VCPIP1: variants seen among roughly 807,000 people sequenced by gnomAD.
VCPIP1 encodes deubiquitinating protein VCPIP1.
VCPIP1 carries 8 observed loss-of-function variants against 85.0 expected under a neutral mutation model. The observed-to-expected ratio is 0.09, with a 90% CI of 0.06 to 0.17. The LOEUF (loss-of-function observed/expected upper bound fraction) is 0.17, where lower values mean the gene tolerates loss of function less well. VCPIP1 is among the 10% of genes least tolerant of loss of function. The probability of loss-of-function intolerance (pLI) is 1.00; values close to 1 mark genes in which losing one functional copy is unlikely to be tolerated. For synonymous variants in VCPIP1, 543 were observed against 544.5 expected (o/e 1.00, Z 0.04); for missense variants, 1,070 against 1,486.3 (o/e 0.72, Z 4.61).
At position 66,638,936 on chromosome 8, in the gene VCPIP1, TTCTCTCTCTCTCTC is replaced by T. The variant is rs750894538; in HGVS notation, c.2798-3578_2798-3565del. Among the ~76,000 whole-genome samples, 645 of 131,672 alleles carry T rather than the reference TTCTCTCTCTCTCTC, an allele frequency of 4.9e-3. 4 individuals carry two copies. The highest frequency in any genetic ancestry group is 0.015 in the Middle Eastern group (4 of 272). The allele number at this position is 131,672 out of a possible 152,430, so 86.4% of individuals were successfully genotyped here. On this transcript the variant is annotated intron_variant, in intron 2 of 2. Coordinates refer to ENST00000310421, the MANE Select transcript of VCPIP1 (RefSeq NM_025054.5). ...CTGTACAAAAACCTGCAAGAAAACT[TTCTCTCTCTCTCTC>T]TCTCTCTCTCTCTCTCTCTCTATAT...
chr8:66,634,414 T>C lies in VCPIP1; in HGVS notation c.*87A>G. ...CTTTGAATTATATACGTACAAGATT[T>C]TTAATGACTAATCAAGTTACGTGGC... is the stretch of plus-strand genomic sequence containing the variant. On this transcript the variant is annotated 3_prime_UTR_variant, in exon 3 of 3. Transcript: ENST00000310421. The C allele has an allele frequency of 7.0e-7, 1 of 1,434,130 alleles. No homozygotes were observed. The highest frequency in any genetic ancestry group is 9.4e-7 in the Non-Finnish European group (1 of 1,065,670). 88.8% of individuals were successfully genotyped at this position (1,434,130 alleles called of 1,614,324 possible).
At chr8:66,645,841 G>A (rs989625873) in intron 2 of VCPIP1, among the ~76,000 whole-genome samples, 2 of 151,854 alleles carry the variant, frequency 1.3e-5, no homozygotes, top group Admixed American at 6.6e-5. Context: ...CAAGGTGGGA[G>A]ATCAACTGAG....
rs1352494360 is a variant in VCPIP1, at chr8:66,665,856, T to C, written c.1103A>G (p.Lys368Arg). 13 of 1,614,186 alleles carry C rather than the reference T, an allele frequency of 8.1e-6. No homozygotes were observed. The highest frequency in any genetic ancestry group is 1.1e-5 in the Non-Finnish European group (13 of 1,180,030). Residue 368 changes from lysine (K) to arginine (R), a missense_variant, in exon 1 of 3, where the codon AAA becomes AGA. Coordinates refer to ENST00000310421, the MANE Select transcript of VCPIP1 (RefSeq NM_025054.5). This position sits in a 1 kb window ranked among gnomAD's most constrained non-coding sequence, Gnocchi z 4.3. ...LVGIKGAALP[K>R]LPMNLLPKAW... The stretch of plus-strand genomic sequence containing the variant: ...TTTAGGAAGCAAATTCATAGGCAGT[T>C]TGGGCAAAGCAGCCCCTTTTATGCC...
chr8:66,665,432 G>C lies in VCPIP1; in HGVS notation c.1527C>G (p.Ser509Arg), dbSNP rs1167700270. 1.9e-6 allele frequency: 3 copies of C among 1,614,216 alleles called. No homozygotes were observed. The highest frequency in any genetic ancestry group is 1.6e-4 in the Middle Eastern group (1 of 6,062). The change falls in exon 1 of 3, where the codon AGC becomes AGG. Residue 509 changes from serine (S) to arginine (R), a missense_variant. By Grantham distance (110) the Ser-to-Arg change is moderately radical. Around this residue, in one of 8 missense-constraint regions of VCPIP1, gnomAD observed 123 missense variants for 156.3 expected, o/e 0.79. Transcript: ENST00000310421. The surrounding 1 kb of genome is among the most constrained non-coding windows in gnomAD (Gnocchi z 4.3). ...AGCAAACCAAATTGTTCAAGGGAAA[G>C]CTGTAATTTTTGTCAGTCCTCAGCT... Reference protein sequence around the residue: ...HGQLRTDKNYSFPLNNLVCSY... With the variant: ...HGQLRTDKNYRFPLNNLVCSY...
Position 66,631,986 on chromosome 8 carries a change from C to T in VCPIP1, c.*2515G>A, listed in dbSNP as rs960928492. 1.3e-5 allele frequency: 2 copies of T among 149,672 alleles called. No individual in the cohort carries two copies. The highest frequency in any genetic ancestry group is 3.0e-5 in the Non-Finnish European group (2 of 67,330). 9.3% of individuals were successfully genotyped at this position (149,672 alleles called of 1,614,324 possible). On this transcript the variant is annotated 3_prime_UTR_variant, in exon 3 of 3. Transcript: ENST00000310421. ...AATGGATTACTGAAGAAAAAATTTACAACTTTATTTCAATGTTTAGTGAAG... is the reference window on the plus strand; with the variant it reads ...AATGGATTACTGAAGAAAAAATTTATAACTTTATTTCAATGTTTAGTGAAG...
Position 66,631,643 on chromosome 8 carries a change from A to C in VCPIP1, c.*2858T>G, listed in dbSNP as rs1297864456. 6.5e-6 allele frequency: 1 copy of C among 154,440 alleles called. No individual in the cohort carries two copies. Among genetic ancestry groups the C allele is most frequent in the African/African-American group, 2.4e-5 (1 of 41,526 alleles). 9.6% of individuals were successfully genotyped at this position (154,440 alleles called of 1,614,324 possible). A position where few individuals can be genotyped will look rare whatever the true frequency, so the allele number is the denominator to read the frequency against. The stretch of plus-strand genomic sequence containing the variant: ...TTGCAAGCAGTAGGCTTGACTGTAA[A>C]AACCAAACTAAAAATCACTGGAAGA... On this transcript the variant is annotated 3_prime_UTR_variant, in exon 3 of 3. Coordinates refer to ENST00000310421, the MANE Select transcript of VCPIP1 (RefSeq NM_025054.5).
At chr8:66,649,464 G>C (rs1322474243) in intron 2 of VCPIP1, among the ~76,000 whole-genome samples, 1 of 151,884 alleles carries the variant, frequency 6.6e-6, no homozygotes. Context: ...AGCTATAACT[G>C]CACCACAGCA....
chr8:66,649,618 C>T (rs905048262), intron 2 of VCPIP1, among the ~76,000 whole-genome samples: 3 of 152,166 alleles, frequency 2.0e-5, no homozygotes, highest in African/African-American at 7.2e-5. Flanking sequence ...TATAGGATTC[C>T]ATTCACATGG....
rs778364908 is a variant in VCPIP1 at position 66,666,442 on chromosome 8, C to G, written c.517G>C (p.Glu173Gln). The G allele has an allele frequency of 6.2e-7, 1 of 1,614,194 alleles. No homozygotes were observed. Among genetic ancestry groups the G allele is most frequent in the Admixed American group, 1.7e-5 (1 of 60,030 alleles). The change falls in exon 1 of 3, where the codon GAG becomes CAG. Residue 173 changes from glutamate (E) to glutamine (Q), a missense_variant. Coordinates refer to ENST00000310421, the MANE Select transcript of VCPIP1 (RefSeq NM_025054.5). This position sits in a 1 kb window ranked among gnomAD's most constrained non-coding sequence, Gnocchi z 6.3. ...LGDRAFLIEP[E>Q]HVNTVGYGKD... ...CCATAGCCCACAGTGTTAACATGCT[C>G]TGGTTCTATGAGGAAGGCGCGGTCA...
chr8:66,640,866 C>T (rs1378386613), intron 2 of VCPIP1, among the ~76,000 whole-genome samples: 3 of 152,198 alleles, frequency 2.0e-5, no homozygotes, highest in South Asian at 2.1e-4. Flanking sequence ...TCAATTTGTT[C>T]GTGCAACCTG....
chr8:66,666,371 C>G lies in VCPIP1; in HGVS notation c.588G>C (p.Glu196Asp). ...GSLLYLHDTL[E>D]DIKRANKSQE... ...GGCTTTTATTGGCCCGCTTAATGTC[C>G]TCCAGAGTGTCATGCAAATACAGGA... Residue 196 changes from glutamate (E) to aspartate (D), a missense_variant, in exon 1 of 3, where the codon GAG (glutamate) becomes GAC (aspartate). This residue lies in a region of VCPIP1 where 118 missense variants were observed against 337.1 expected (regional missense o/e 0.35). Coordinates refer to ENST00000310421, the MANE Select transcript of VCPIP1 (RefSeq NM_025054.5). This position sits in a 1 kb window ranked among gnomAD's most constrained non-coding sequence, Gnocchi z 6.3. 6.2e-7 allele frequency: 1 copy of G among 1,614,164 alleles called. No homozygotes were observed. The highest frequency in any genetic ancestry group is 8.5e-7 in the Non-Finnish European group (1 of 1,180,034).
rs1211127657 is a variant in VCPIP1 at position 66,666,410 on chromosome 8, G to A, written c.549C>T (p.Asp183=). ...GCAAATACAGGAGGCTTCCGGAGCG[G>A]TCCTTGCCATAGCCCACAGTGTTAA... ...EHVNTVGYGK[D]RSGSLLYLHD... is the part of the protein sequence containing the mutation. The change falls in exon 1 of 3, where the codon GAC becomes GAT. Residue 183 remains aspartate, a synonymous_variant. Transcript: ENST00000310421. This position sits in a 1 kb window ranked among gnomAD's most constrained non-coding sequence, Gnocchi z 6.3. The A allele has an allele frequency of 1.2e-6, 2 of 1,614,014 alleles. No individual in the cohort carries two copies. Among genetic ancestry groups the A allele is most frequent in the Admixed American group, 1.7e-5 (1 of 59,998 alleles).
In VCPIP1 at chr8:66,665,496, C is replaced by G. The variant is rs777981205; in HGVS notation, c.1463G>C (p.Gly488Ala). Residue 488 changes from glycine (G) to alanine (A), a missense_variant, in exon 1 of 3, where the codon GGA becomes GCA. By Grantham distance (60) the Gly-to-Ala change is moderately conservative (BLOSUM62 0). Coordinates refer to ENST00000310421, the MANE Select transcript of VCPIP1 (RefSeq NM_025054.5). The surrounding 1 kb of genome is among the most constrained non-coding windows in gnomAD (Gnocchi z 4.3). The part of the protein sequence containing the change: ...LHVPPEWLAP[G>A]GKLYNLAKST... ...TTTTGCCAGGTTATACAATTTCCCT[C>G]CAGGAGCCAACCACTCTGGAGGAAC... 5.6e-6 allele frequency: 9 copies of G among 1,614,042 alleles called. No individual in the cohort carries two copies. In the South Asian group the frequency reaches 9.9e-5, roughly 18 times the overall value.
intron 1 of VCPIP1, among the ~76,000 whole-genome samples, chr8:66,659,884 C>G (rs957074705): frequency 6.6e-6 from 1 of 151,772 alleles, no homozygotes; most frequent in Admixed American, 6.6e-5. Flanking sequence ...GGGATCACAC[C>G]ACTGCACTCC....
rs1221044956 is a variant in VCPIP1 at position 66,666,400 on chromosome 8, T to C, written c.559A>G (p.Ser187Gly). ...TVGYGKDRSGSLLYLHDTLED... is the reference protein window; with the variant it reads ...TVGYGKDRSGGLLYLHDTLED... ...AGAGTGTCATGCAAATACAGGAGGCTTCCGGAGCGGTCCTTGCCATAGCCC... is the reference window on the plus strand; with the variant it reads ...AGAGTGTCATGCAAATACAGGAGGCCTCCGGAGCGGTCCTTGCCATAGCCC... The change falls in exon 1 of 3, where the codon AGC becomes GGC. Residue 187 changes from serine (S) to glycine (G), a missense_variant. This residue lies in a region of VCPIP1 where 118 missense variants were observed against 337.1 expected (regional missense o/e 0.35). Transcript: ENST00000310421. This position sits in a 1 kb window ranked among gnomAD's most constrained non-coding sequence, Gnocchi z 6.3. The C allele has an allele frequency of 6.2e-7, 1 of 1,614,000 alleles. No individual in the cohort carries two copies. The highest frequency in any genetic ancestry group is 8.5e-7 in the Non-Finnish European group (1 of 1,180,026).
chr8:66,664,137 A>G (rs549304482), intron 1 of VCPIP1, 112 bp downstream of exon 1: 2 of 1,296,214 alleles, frequency 1.5e-6, no homozygotes, highest in Non-Finnish European at 2.0e-6. Flanking sequence ...CCTGAAATAT[A>G]TAATTAAAAA....
At chr8:66,650,532 ACTTGTACACAAGTCT>A (rs1326467734) in intron 2 of VCPIP1, among the ~76,000 whole-genome samples, 1 of 152,204 alleles carries the variant, frequency 6.6e-6, no homozygotes, top group Non-Finnish European at 1.5e-5. Context: ...ACAGACATAC[ACTTGTACACAAGTCT>A]ATCTTTACAA....
intron 1 of VCPIP1, among the ~76,000 whole-genome samples, chr8:66,660,347 T>TA (rs1811143506): frequency 6.6e-6 from 1 of 152,134 alleles, no homozygotes; most frequent in East Asian, 1.9e-4. Flanking sequence ...GGCAAACAAA[T>TA]AATTAAACCA....
chr8:66,657,140 G>C (rs1203312607), intron 1 of VCPIP1, among the ~76,000 whole-genome samples: 1 of 152,006 alleles, frequency 6.6e-6, no homozygotes, highest in African/African-American at 2.4e-5. Flanking sequence ...CCTGATCTCA[G>C]ACAATTTGTC....
Sources: gnomAD v4.1 joint callset for allele counts (sites outside exome capture counted in the v4.1 genomes callset) on GRCh38, gnomAD v4.1.1 for gene constraint, gnomAD v4.1.1 regional missense constraint, Gnocchi (gnomAD v3.1) non-coding constraint, MANE v1.5 for transcripts, NCBI Gene and HGNC (gene_info 2026-07-23, HGNC 2026-07-21) for gene names.